Variants in PPFIBP2 observed in about 807,000 individuals in gnomAD.
The protein encoded by PPFIBP2 is PPFIB scaffold protein 2.
A neutral mutation model predicts 118.3 loss-of-function variants in PPFIBP2; 118 were observed. The ratio of observed to expected loss-of-function variants is 1.00; its 90% confidence interval spans 0.86 to 1.16. PPFIBP2 has a LOEUF of 1.16. PPFIBP2 is among the 50% of genes most tolerant of loss of function. The pLI, the probability that PPFIBP2 is intolerant of heterozygous loss-of-function variation, is 0.00. For missense variants in PPFIBP2, 1,195 were observed against 1,073.1 expected (o/e 1.11, Z -1.59); for synonymous variants, 414 against 397.4 (o/e 1.04, Z -0.50).
intron 2 of PPFIBP2, among the ~76,000 whole-genome samples, chr11:7,550,639 C>T (rs1277555650): frequency 6.6e-6 from 1 of 152,132 alleles, no homozygotes; most frequent in African/African-American, 2.4e-5. Flanking sequence ...ACTGGGATGT[C>T]GTGATGTTTA....
intron 1 of PPFIBP2, among the ~76,000 whole-genome samples, chr11:7,545,059 T>C (rs1852192551): frequency 6.6e-6 from 1 of 152,130 alleles, no homozygotes; most frequent in Non-Finnish European, 1.5e-5. Context: ...TACTATGATA[T>C]ACAGTAGCCC....
At chr11:7,618,329 A>C (rs774452383) in intron 6 of PPFIBP2, among the ~76,000 whole-genome samples, 4 of 152,224 alleles carry the variant, frequency 2.6e-5, no homozygotes, top group Admixed American at 6.5e-5. Flanking sequence ...TGTGTGTACT[A>C]ATGTTGGTAG....
intron 2 of PPFIBP2, among the ~76,000 whole-genome samples, chr11:7,552,375 C>T (rs539815015): frequency 6.6e-6 from 1 of 152,164 alleles, no homozygotes; most frequent in Non-Finnish European, 1.5e-5. Flanking sequence ...TGAATCTTTT[C>T]TGGGGACGGG....
At chr11:7,646,127 G>T (rs772202819) in intron 17 of PPFIBP2, among the ~76,000 whole-genome samples, 4 of 152,234 alleles carry the variant, frequency 2.6e-5, no homozygotes, top group Non-Finnish European at 5.9e-5. Context: ...TAAGATGAAT[G>T]ATATGAATCC....
chr11:7,562,976 T>TATAC (rs1554953438), intron 2 of PPFIBP2, among the ~76,000 whole-genome samples: 2 of 100,470 alleles, frequency 2.0e-5, no homozygotes, highest in Non-Finnish European at 4.3e-5. Flanking sequence ...TATATATATA[T>TATAC]ACACGCACAC....
At chr11:7,650,683 G>A in intron 21 of PPFIBP2, 157 bp from the exon 22 acceptor site, 1 of 608,296 alleles carries the variant, frequency 1.6e-6, no homozygotes, top group Non-Finnish European at 2.7e-6. Flanking sequence ...AACTGGGGAG[G>A]CTGGTGCTCT....
the PPFIBP2 span, among the ~76,000 whole-genome samples, chr11:7,663,367 G>T: frequency 2.0e-5 from 3 of 151,562 alleles, no homozygotes; most frequent in Non-Finnish European, 4.4e-5. Flanking sequence ...CCTTCTAACA[G>T]ACAGGACCCT....
downstream of PPFIBP2, among the ~76,000 whole-genome samples, chr11:7,654,040 G>A (rs1375177865): frequency 3.3e-5 from 5 of 152,350 alleles, no homozygotes; most frequent in Non-Finnish European, 7.3e-5. Flanking sequence ...CATCTGTCGT[G>A]CAGACCTCAA....
intron 3 of PPFIBP2, among the ~76,000 whole-genome samples, chr11:7,579,045 G>C: frequency 6.6e-6 from 1 of 151,890 alleles, no homozygotes; most frequent in East Asian, 1.9e-4. Context: ...GGATACATTG[G>C]GGGGGGTCTA....
At chr11:7,532,837 T>G (rs938788971) in intron 1 of PPFIBP2, among the ~76,000 whole-genome samples, 2 of 152,242 alleles carry the variant, frequency 1.3e-5, no homozygotes, top group African/African-American at 4.8e-5. Context: ...AAAATTAAAC[T>G]GTTCAACAAA....
At position 7,649,666 on chromosome 11, in the gene PPFIBP2, A is replaced by G. The variant is rs756783956; in HGVS notation, c.2121+12A>G. ...GGCCAGCTGATGAGGTGAGACCACA[A>G]ATAGTATCTCTCCAGGTAGCCCTGA... On this transcript the variant is annotated intron_variant, in intron 21 of 23. Transcript: ENST00000299492. 5.6e-6 allele frequency: 9 copies of G among 1,614,090 alleles called. No homozygotes were observed. Among genetic ancestry groups the G allele is most frequent in the African/African-American group, 5.3e-5 (4 of 74,948 alleles).
intron 4 of PPFIBP2, among the ~76,000 whole-genome samples, chr11:7,593,800 G>A (rs1461415663): frequency 2.0e-5 from 3 of 152,204 alleles, no homozygotes; most frequent in Non-Finnish European, 2.9e-5. Context: ...GAGCTTTTTC[G>A]CTGTTGAAAG....
At chr11:7,583,464 G>C (rs995986876) in intron 3 of PPFIBP2, among the ~76,000 whole-genome samples, 4 of 152,176 alleles carry the variant, frequency 2.6e-5, no homozygotes, top group Non-Finnish European at 5.9e-5. Flanking sequence ...TAATGACTCA[G>C]TGCATCTATT....
intron 11 of PPFIBP2, 93 bp downstream of exon 11, chr11:7,631,121 G>T: frequency 2.2e-6 from 2 of 899,974 alleles, no homozygotes; most frequent in Non-Finnish European, 3.7e-6. Context: ...CGTGTCAGGT[G>T]CACATCTTGG....
chr11:7,601,063 A>T (rs1263129573), intron 5 of PPFIBP2, among the ~76,000 whole-genome samples: 1 of 152,200 alleles, frequency 6.6e-6, no homozygotes, highest in Non-Finnish European at 1.5e-5. Flanking sequence ...TTGTGCTTAA[A>T]GGGGCTCCAA....
chr11:7,558,930 A>T (rs1853976660), intron 2 of PPFIBP2, among the ~76,000 whole-genome samples: 2 of 152,176 alleles, frequency 1.3e-5, no homozygotes, highest in Non-Finnish European at 2.9e-5. Context: ...CATTGAGGTG[A>T]TCTGCTAGTG....
At chr11:7,581,384 ACT>A (rs1857234991) in intron 3 of PPFIBP2, among the ~76,000 whole-genome samples, 1 of 152,212 alleles carries the variant, frequency 6.6e-6, no homozygotes, top group Non-Finnish European at 1.5e-5. Context: ...GGCTTCCAGC[ACT>A]CTCAGTGCTT....
intron 16 of PPFIBP2, 68 bp downstream of exon 16, chr11:7,641,688 A>T: frequency 6.7e-7 from 1 of 1,493,952 alleles, no homozygotes. Flanking sequence ...CAAAGAGTCT[A>T]TGTAAGCCCC....
chr11:7,648,711 C>T lies in PPFIBP2; in HGVS notation c.1798-89C>T, dbSNP rs1348669918. ...CACGGTGTGGAGATACACTGCCATA[C>T]TCAGAGCATCTCCACCCAGACACAG... On this transcript the variant is annotated intron_variant, in intron 18 of 23. Transcript: ENST00000299492. The T allele has an allele frequency of 4.2e-6, 6 of 1,433,418 alleles. No individual in the cohort carries two copies. In the East Asian group the frequency reaches 9.1e-5, roughly 22 times the overall value. The allele number at this position is 1,433,418 out of a possible 1,614,324, so 88.8% of individuals were successfully genotyped here. A position where few individuals can be genotyped will look rare whatever the true frequency, so the allele number is the denominator to read the frequency against.
Sources: gnomAD v4.1 joint callset for allele counts (sites outside exome capture counted in the v4.1 genomes callset) on GRCh38, gnomAD v4.1.1 for gene constraint, MANE v1.5 for transcripts, NCBI Gene and HGNC (gene_info 2026-07-23, HGNC 2026-07-21) for gene names.